ATAD2B: variants seen among roughly 807,000 people sequenced by gnomAD.
The protein encoded by ATAD2B is ATPase family AAA domain-containing protein 2B.
A neutral mutation model predicts 167.6 loss-of-function variants in ATAD2B; 40 were observed. The observed-to-expected ratio is 0.24, with a 90% CI of 0.19 to 0.31. ATAD2B has a LOEUF of 0.31. ATAD2B is among the 10% of genes least tolerant of loss of function. The pLI is 1.00. For missense variants in ATAD2B, 1,242 were observed against 1,757.2 expected (o/e 0.71, Z 5.24); for synonymous variants, 579 against 596.5 (o/e 0.97, Z 0.43).
the ATAD2B span, among the ~76,000 whole-genome samples, chr2:23,702,148 C>G: frequency 6.6e-6 from 1 of 152,132 alleles, no homozygotes; most frequent in South Asian, 2.1e-4. Context: ...AACTACCCCC[C>G]ACTTCCAGCC....
chr2:23,924,374 A>T (rs1704412714), intron 1 of ATAD2B, among the ~76,000 whole-genome samples: 1 of 152,252 alleles, frequency 6.6e-6, no homozygotes, highest in South Asian at 2.1e-4. Flanking sequence ...TGCTTATTAC[A>T]GACCCCACAG....
intron 19 of ATAD2B, 70 bp downstream of exon 19, chr2:23,798,068 G>T: frequency 1.9e-6 from 2 of 1,025,950 alleles, no homozygotes; most frequent in Non-Finnish European, 2.7e-6. Flanking sequence ...ATTAAAAGGT[G>T]TCCAATTTAC....
the ATAD2B span, among the ~76,000 whole-genome samples, chr2:23,740,472 G>A: frequency 2.0e-5 from 3 of 152,048 alleles, no homozygotes; most frequent in East Asian, 1.9e-4. Flanking sequence ...CTCAATAGAT[G>A]CAGAAAAGGC....
intron 1 of ATAD2B, among the ~76,000 whole-genome samples, chr2:23,897,534 G>T (rs1700293337): frequency 6.6e-6 from 1 of 152,098 alleles, no homozygotes; most frequent in Non-Finnish European, 1.5e-5. Context: ...CATTTTAACA[G>T]AGAGCTTAAC....
At chr2:23,826,762 G>A (rs1558612122) in intron 15 of ATAD2B, among the ~76,000 whole-genome samples, 2 of 152,088 alleles carry the variant, frequency 1.3e-5, no homozygotes, top group Non-Finnish European at 2.9e-5. Flanking sequence ...AGAGTTGAGT[G>A]TTTCATTAAT....
At chr2:23,804,627 C>T (rs1462032950) in intron 18 of ATAD2B, among the ~76,000 whole-genome samples, 1 of 145,172 alleles carries the variant, frequency 6.9e-6, no homozygotes, top group African/African-American at 2.6e-5. Context: ...AGTTAGAATT[C>T]AAAGTTGGCC....
rs1319745898 is a variant in ATAD2B, at chr2:23,762,292, G to C, written c.3311C>G (p.Thr1104Arg). ...AAATGCCTCTTCGACTCTAGTTTCT[G>C]TCTTCCGAGCTCCAGTACTATGAGG... ...INPHSTGARK[T>R]ETRVEEAFRH... Residue 1104 changes from threonine (T) to arginine (R), a missense_variant, in exon 24 of 28, where the codon ACA (threonine) becomes AGA (arginine). Thr to Arg is a moderately conservative substitution (Grantham distance 71, BLOSUM62 -1). Coordinates refer to ENST00000238789, the MANE Select transcript of ATAD2B (RefSeq NM_017552.4). 1.2e-6 allele frequency: 2 copies of C among 1,613,488 alleles called. No individual in the cohort carries two copies. Among genetic ancestry groups the C allele is most frequent in the Admixed American group, 3.3e-5 (2 of 59,966 alleles).
At chr2:23,693,361 G>A in the ATAD2B span, 7 of 1,551,696 alleles carry the variant, frequency 4.5e-6, no homozygotes, top group East Asian at 2.4e-5. Flanking sequence ...CAAGGCCTTC[G>A]CGCTGCAGAT....
the ATAD2B span, chr2:23,706,768 A>G: frequency 1.3e-6 from 1 of 740,816 alleles, no homozygotes. Context: ...ACAAAACACA[A>G]TCAAGGAACT....
At chr2:23,908,183 G>T (rs904024355) in intron 1 of ATAD2B, among the ~76,000 whole-genome samples, 299 of 152,052 alleles carry the variant, frequency 2.0e-3, no homozygotes, top group Non-Finnish European at 3.4e-3. Flanking sequence ...CAAAAGAAAC[G>T]ACCATCAGAG....
At chr2:23,743,664 C>CGACA (rs568628345), downstream of ATAD2B, among the ~76,000 whole-genome samples, 3 of 151,942 alleles carry the variant, frequency 2.0e-5, no homozygotes, top group South Asian at 6.2e-4. Context: ...GTCACTCTGT[C>CGACA]ACTCAGGCTG....
chr2:23,895,784 TAAGAA>T, intron 2 of ATAD2B, 30 bp downstream of exon 2: 1 of 1,533,406 alleles, frequency 6.5e-7, no homozygotes, highest in African/African-American at 1.4e-5. Flanking sequence ...TTCAGTAATT[TAAGAA>T]AAAACAATCA....
At chr2:23,768,751 G>T (rs1306690029) in intron 22 of ATAD2B, among the ~76,000 whole-genome samples, 1 of 152,074 alleles carries the variant, frequency 6.6e-6, no homozygotes, top group East Asian at 1.9e-4. Flanking sequence ...GAATCACAAA[G>T]AATATTTTTA....
chr2:23,747,191 C>T (rs987487786), downstream of ATAD2B, among the ~76,000 whole-genome samples: 1 of 151,992 alleles, frequency 6.6e-6, no homozygotes, highest in Non-Finnish European at 1.5e-5. Context: ...TCTATCTCCC[C>T]TTCCCTCATG....
At chr2:23,781,477 C>T (rs960784675) in intron 22 of ATAD2B, among the ~76,000 whole-genome samples, 5 of 152,028 alleles carry the variant, frequency 3.3e-5, no homozygotes, top group African/African-American at 1.2e-4. Flanking sequence ...CCAGCCTAGC[C>T]AACATGGTGA....
chr2:23,762,926 C>T (rs1676932623), intron 23 of ATAD2B, among the ~76,000 whole-genome samples: 1 of 152,196 alleles, frequency 6.6e-6, no homozygotes, highest in African/African-American at 2.4e-5. Context: ...CTAATCTACA[C>T]ATTCCCCAGC....
Position 23,823,421 on chromosome 2 carries a change from T to G in ATAD2B, c.1968A>C (p.Ala656=), listed in dbSNP as rs1687774758. 3 of 1,613,988 alleles carry G rather than the reference T, an allele frequency of 1.9e-6. No homozygotes were observed. Among genetic ancestry groups the G allele is most frequent in the Non-Finnish European group, 1.7e-6 (2 of 1,179,890 alleles). Residue 656 remains alanine, a synonymous_variant, in exon 16 of 28, where the codon GCA becomes GCC. Coordinates refer to ENST00000238789, the MANE Select transcript of ATAD2B (RefSeq NM_017552.4). ...IVLSAQDFYH[A]MQNIVPASQR... ...GGGAAGCAGGCACGATATTCTGCAT[T>G]GCATGGTAAAAATCTTGGGCACTAA...
chr2:23,914,774 C>T (rs1012049980), intron 1 of ATAD2B, among the ~76,000 whole-genome samples: 4 of 150,250 alleles, frequency 2.7e-5, no homozygotes, highest in South Asian at 2.1e-4. Context: ...CCCCGGGGGG[C>T]GGAAACTGCA....
At chr2:23,739,217 A>G in the ATAD2B span, among the ~76,000 whole-genome samples, 3 of 152,340 alleles carry the variant, frequency 2.0e-5, no homozygotes, top group African/African-American at 7.2e-5. Flanking sequence ...ACATCTACAG[A>G]ACTCTCCACC....
Sources: allele counts gnomAD v4.1 joint callset (sites outside exome capture counted in the v4.1 genomes callset), GRCh38; gene constraint gnomAD v4.1.1; transcripts MANE v1.5; gene names NCBI Gene and HGNC (gene_info 2026-07-23, HGNC 2026-07-21).